The following DDR1 variants were observed in gnomAD, a reference collection of about 807,000 sequenced individuals.
The protein encoded by DDR1 is discoidin domain receptor tyrosine kinase 1, also known as epithelial discoidin domain-containing receptor 1.
In DDR1, 64 loss-of-function variants were observed where a neutral mutation model predicts 97.4. The ratio of observed to expected loss-of-function variants is 0.66; its 90% CI spans 0.54 to 0.81. The LOEUF (loss-of-function observed/expected upper bound fraction) is 0.81, where lower values mean the gene tolerates loss of function less well. Ranked by LOEUF, DDR1 falls within the 30% of genes least tolerant of loss-of-function variation. The pLI, the probability that DDR1 is intolerant of heterozygous loss-of-function variation, is 0.00. For synonymous variants in DDR1, 458 were observed against 503.7 expected (o/e 0.91, Z 1.21); for missense variants, 990 against 1,259.6 (o/e 0.79, Z 3.24).
Position 30,888,763 on chromosome 6 carries a change from C to T in DDR1, c.34C>T (p.Leu12=). ...AGAGGCCCTGTCATCTTTACTGCTG[C>T]TGCTCTTGGTGGCAAGTGGAGATGC... is the stretch of plus-strand genomic sequence containing the variant. The part of the protein sequence containing the change: ...GPEALSSLLL[L]LLVASGDADM... The change falls in exon 2 of 18, where the codon CTG becomes TTG. Residue 12 remains leucine (L), a synonymous_variant. Transcript: ENST00000376568. This position sits in a 1 kb window ranked among gnomAD's most constrained non-coding sequence, Gnocchi z 4.2. 2 of 1,613,030 alleles carry T rather than the reference C, an allele frequency of 1.2e-6. No homozygotes were observed. The highest frequency in any genetic ancestry group is 8.5e-7 in the Non-Finnish European group (1 of 1,180,026).
chr6:30,891,087 C>T lies in DDR1; in HGVS notation c.532C>T (p.Leu178=), dbSNP rs1443827585. The change falls in exon 5 of 18, where the codon CTG becomes TTG. Residue 178 remains leucine, a synonymous_variant. Transcript: ENST00000376568. This position sits in a 1 kb window ranked among gnomAD's most constrained non-coding sequence, Gnocchi z 5.3. ...PRADRVMSVC[L]RVELYGCLWR... ...GGCTGACCGGGTCATGAGCGTCTGT[C>T]TGCGGGTAGAGCTCTATGGCTGCCT... 9.9e-6 allele frequency: 16 copies of T among 1,613,078 alleles called. No homozygotes were observed. Among genetic ancestry groups the T allele is most frequent in the Non-Finnish European group, 1.3e-5 (15 of 1,180,030 alleles).
In DDR1 at chr6:30,894,736, C is replaced by T. The variant is rs1790054359; in HGVS notation, c.1513+65C>T. On this transcript the variant is annotated intron_variant, in intron 11 of 17. Transcript: ENST00000376568. The surrounding 1 kb of genome is among the most constrained non-coding windows in gnomAD (Gnocchi z 5.7). ...TGCTGTTTTCTTATTGTATCCCTTTCCCATTCTCTTTTTTTCCTGTCTTCC... is the reference window on the plus strand; with the variant it reads ...TGCTGTTTTCTTATTGTATCCCTTTTCCATTCTCTTTTTTTCCTGTCTTCC... 5 of 1,466,578 alleles carry T rather than the reference C, an allele frequency of 3.4e-6. No individual in the cohort carries two copies. The Admixed American group carries it at 7.2e-5, about 21-fold the overall frequency. 90.8% of individuals were successfully genotyped at this position (1,466,578 alleles called of 1,614,324 possible).
Position 30,896,680 on chromosome 6 carries a change from C to T in DDR1, c.1684C>T (p.Pro562Ser), listed in dbSNP as rs1281215514. Reference protein sequence around the residue: ...KPGAPLLPPPPQNSVPHYAEA... With the variant: ...KPGAPLLPPPSQNSVPHYAEA... ...AGGCGCCCCGCTTCTGCCCCCACCT[C>T]CCCAGAACAGCGTCCCCCATTATGC... The change falls in exon 13 of 18, where the codon CCC becomes TCC. Residue 562 changes from proline to serine, a missense_variant. Transcript: ENST00000376568. 1 of 1,612,736 alleles carries T rather than the reference C, an allele frequency of 6.2e-7. No individual in the cohort carries two copies. The highest frequency in any genetic ancestry group is 1.1e-5 in the South Asian group (1 of 90,878).
In DDR1 at chr6:30,892,295, G is replaced by A; in HGVS notation, c.853-1G>A. 6.3e-7 allele frequency: 1 copy of A among 1,576,208 alleles called. No homozygotes were observed. The highest frequency in any genetic ancestry group is 2.2e-5 in the East Asian group (1 of 44,470). On this transcript the variant is annotated splice_acceptor_variant, in intron 7 of 17. Coordinates refer to ENST00000376568, the MANE Select transcript of DDR1 (RefSeq NM_001297654.2). LOFTEE classifies it high-confidence loss of function. ...CCTGTGCCCTCTTCCCTTCCCCCCA[G>A]GTCCACTGTAACAACATGCACACGC...
rs368372549 is a variant in DDR1 at position 30,893,056 on chromosome 6, C to A, written c.1100-12C>A. On this transcript the variant is annotated splice_polypyrimidine_tract_variant and intron_variant, in intron 8 of 17. Coordinates refer to ENST00000376568, the MANE Select transcript of DDR1 (RefSeq NM_001297654.2). ...TTTACCTCCCTCCTTTCTTTTTGTT[C>A]CTTCTCCCCAGATGTGGTGAACAAT... is the stretch of plus-strand genomic sequence containing the variant. The A allele has an allele frequency of 8.1e-6, 13 of 1,604,872 alleles. No homozygotes were observed. In the African/African-American group the frequency reaches 1.6e-4, roughly 20 times the overall value.
intron 10 of DDR1, 123 bp downstream of exon 10, chr6:30,893,546 C>T: frequency 1.4e-6 from 2 of 1,446,990 alleles, no homozygotes; most frequent in Non-Finnish European, 9.1e-7. Context: ...AGTAAAGAGA[C>T]CACTTACACC....
intron 8 of DDR1, 44 bp downstream of exon 8, chr6:30,892,586 A>G: frequency 2.6e-6 from 4 of 1,521,112 alleles, no homozygotes; most frequent in Non-Finnish European, 2.6e-6. Flanking sequence ...GAAATTGACA[A>G]CTGATTTCAT....
intron 16 of DDR1, 33 bp downstream of exon 16, chr6:30,898,340 G>C: frequency 1.9e-6 from 3 of 1,540,220 alleles, no homozygotes; most frequent in Non-Finnish European, 2.7e-6. Context: ...GGTTGGAGCA[G>C]GGCAGGTGGG....
rs1790095454 is a variant in DDR1, at chr6:30,894,855, T to C, written c.1513+184T>C. Among the ~76,000 whole-genome samples, 2 of 152,156 alleles carry C rather than the reference T, an allele frequency of 1.3e-5. No homozygotes were observed. The highest frequency in any genetic ancestry group is 4.1e-4 in the South Asian group (2 of 4,830). ...TGTAGTCTCTCTCAAGAGTTCCCCATGTATTACCCATAGTCCCCCGTGGTG... is the reference window on the plus strand; with the variant it reads ...TGTAGTCTCTCTCAAGAGTTCCCCACGTATTACCCATAGTCCCCCGTGGTG... On this transcript the variant is annotated intron_variant, in intron 11 of 17. Coordinates refer to ENST00000376568, the MANE Select transcript of DDR1 (RefSeq NM_001297654.2). The surrounding 1 kb of genome is among the most constrained non-coding windows in gnomAD (Gnocchi z 5.7).
intron 7 of DDR1, 23 bp from the exon 8 acceptor site, chr6:30,892,273 G>T: frequency 6.3e-7 from 1 of 1,585,642 alleles, no homozygotes; most frequent in Non-Finnish European, 8.6e-7. Flanking sequence ...CCTTGACCCT[G>T]TGCCCTCTTC....
chr6:30,885,159 C>G, intron 1 of DDR1: 1 of 1,518,922 alleles, frequency 6.6e-7, no homozygotes, highest in Non-Finnish European at 8.8e-7. Flanking sequence ...GACTGCCACT[C>G]TAACCCACCA....
intron 16 of DDR1, 79 bp from the exon 17 acceptor site, chr6:30,898,809 G>C: frequency 2.0e-6 from 3 of 1,484,132 alleles, no homozygotes; most frequent in Non-Finnish European, 2.8e-6. Flanking sequence ...GAGTGGATCT[G>C]GGGCTTCCAA....
intron 12 of DDR1, 138 bp from the exon 13 acceptor site, chr6:30,896,483 T>C: frequency 9.0e-7 from 1 of 1,105,222 alleles, no homozygotes; most frequent in Non-Finnish European, 1.3e-6. Flanking sequence ...CATGGAATAC[T>C]GGGAAGATAC....
chr6:30,892,172 C>A lies in DDR1; in HGVS notation c.836C>A (p.Ala279Asp). 1 of 1,614,164 alleles carries A rather than the reference C, an allele frequency of 6.2e-7. No individual in the cohort carries two copies. The highest frequency in any genetic ancestry group is 8.5e-7 in the Non-Finnish European group (1 of 1,180,006). ...EMEFEFDRLR[A>D]FQAMQVHCNN... ...GAGTTTGAGTTTGACCGGCTGAGGG[C>A]CTTCCAGGCTATGCAGGTGAGTGAG... The change falls in exon 7 of 18, where the codon GCC (alanine) becomes GAC (aspartate). Residue 279 changes from alanine (A) to aspartate (D), a missense_variant. Ala to Asp is a moderately radical substitution (Grantham distance 126). Transcript: ENST00000376568.
chr6:30,885,896 G>C, intron 1 of DDR1: 1 of 1,152,626 alleles, frequency 8.7e-7, no homozygotes, highest in Non-Finnish European at 1.2e-6. Flanking sequence ...GGAGAGGAGC[G>C]TGAAGGGCTT....
rs1264319 is a variant in DDR1, at chr6:30,894,646, C to T, written c.1488C>T (p.Ser496=). The change falls in exon 11 of 18, where the codon TCC becomes TCT. Residue 496 remains serine (S), a synonymous_variant. Transcript: ENST00000376568. The surrounding 1 kb of genome is among the most constrained non-coding windows in gnomAD (Gnocchi z 5.7). ...EPRPRGNPPH[S]APCVPNGSAL... Reference sequence around the variant, plus strand: ...GGCCTCGTGGGAATCCGCCCCACTCCGCTCCCTGTGTCCCCAATGGCTCTG... The same window carrying T: ...GGCCTCGTGGGAATCCGCCCCACTCTGCTCCCTGTGTCCCCAATGGCTCTG... 0.19 allele frequency: 311,787 copies of T among 1,607,382 alleles called. 32,034 individuals carry two copies. The highest frequency in any genetic ancestry group is 0.21 in the Non-Finnish European group (249,267 of 1,176,502).
intron 16 of DDR1, 100 bp from the exon 17 acceptor site, chr6:30,898,788 A>G (rs1169797395): frequency 7.5e-7 from 1 of 1,325,264 alleles, no homozygotes; most frequent in Non-Finnish European, 1.1e-6. Context: ...ATCAGGCCTG[A>G]GTGGAGCCCA....
intron 1 of DDR1, chr6:30,885,634 G>T: frequency 2.2e-6 from 3 of 1,355,660 alleles, no homozygotes; most frequent in Non-Finnish European, 2.9e-6. Flanking sequence ...GGTGTCTGAA[G>T]GTGGCTATTC....
intron 16 of DDR1, 83 bp downstream of exon 16, chr6:30,898,390 T>A: frequency 1.0e-6 from 1 of 982,680 alleles, no homozygotes. Context: ...TCTCCATCAG[T>A]CACACACTTT....
Sources: gnomAD v4.1 joint callset for allele counts (sites outside exome capture counted in the v4.1 genomes callset) on GRCh38, gnomAD v4.1.1 for gene constraint, Gnocchi (gnomAD v3.1) non-coding constraint, MANE v1.5 for transcripts, NCBI Gene and HGNC (gene_info 2026-07-23, HGNC 2026-07-21) for gene names.